Variants in RAP1GAP2 observed in about 807,000 individuals in gnomAD.
RAP1GAP2 encodes RAP1 GTPase activating protein 2, also known as rap1 GTPase-activating protein 2.
RAP1GAP2 carries 27 observed loss-of-function variants against 95.0 expected under a neutral mutation model. The ratio of observed to expected loss-of-function variants is 0.28; its 90% CI spans 0.21 to 0.39. The LOEUF (loss-of-function observed/expected upper bound fraction) is 0.39, where lower values mean the gene tolerates loss of function less well. RAP1GAP2 is among the 10% of genes least tolerant of loss of function. The probability of loss-of-function intolerance (pLI) is 1.00; values close to 1 mark genes in which losing one functional copy is unlikely to be tolerated. For synonymous variants in RAP1GAP2, 373 were observed against 380.9 expected (o/e 0.98, Z 0.24); for missense variants, 771 against 970.0 (o/e 0.79, Z 2.72).
rs1378925035 is a variant in RAP1GAP2, at chr17:2,850,572, C to A, written c.80+50022C>A. ...GACCATCCTGGCTAACACGGTGAAA[C>A]CCCGTCTCTACTAAAAATACAAAAA... On this transcript the variant is annotated intron_variant, in intron 2 of 24. Transcript: ENST00000254695. Among the ~76,000 whole-genome samples the A allele has an allele frequency of 3.3e-5, 5 of 149,524 alleles. No homozygotes were observed. The South Asian group carries it at 6.4e-4, about 19-fold the overall frequency.
intron 3 of RAP1GAP2, among the ~76,000 whole-genome samples, chr17:2,925,405 T>A (rs1036912): frequency 0.61 from 92,623 of 151,996 alleles, 28,399 homozygotes; most frequent in African/African-American, 0.61. Flanking sequence ...AGGAGAAGCA[T>A]GTGCCTTCTT....
intron 2 of RAP1GAP2, among the ~76,000 whole-genome samples, chr17:2,842,562 T>A (rs906118972): frequency 1.2e-4 from 1 of 8,210 alleles, no homozygotes; most frequent in African/African-American, 4.2e-3. Flanking sequence ...ATACCACTTT[T>A]ACTACCCTCT....
At position 2,959,557 on chromosome 17, in the gene RAP1GAP2, C is replaced by G. The variant is rs75749549; in HGVS notation, c.201+1763C>G. ...CCCGCGTGGGCCTTGAGCCTGGGCT[C>G]CATCTCTCTTCATCTTGCACGTGTG... On this transcript the variant is annotated intron_variant, in intron 4 of 24. Coordinates refer to ENST00000254695, the MANE Select transcript of RAP1GAP2 (RefSeq NM_015085.5). Among the ~76,000 whole-genome samples the G allele has an allele frequency of 1.5e-3, 228 of 152,314 alleles. 2 individuals carry two copies. In the East Asian group the frequency reaches 0.019, roughly 12 times the overall value.
At chr17:2,966,493 T>C (rs2044604272) in intron 8 of RAP1GAP2, among the ~76,000 whole-genome samples, 1 of 152,222 alleles carries the variant, frequency 6.6e-6, no homozygotes, top group African/African-American at 2.4e-5. Context: ...TAAAGGTATT[T>C]GGAAAAGAGC....
intron 1 of RAP1GAP2, among the ~76,000 whole-genome samples, chr17:2,769,783 C>G (rs908019042): frequency 5.3e-5 from 8 of 151,596 alleles, no homozygotes; most frequent in Non-Finnish European, 7.4e-5. Context: ...GAAAGCTTTT[C>G]CATCTACTGC....
Position 2,800,218 on chromosome 17 carries a change from G to A in RAP1GAP2, c.45-297G>A, listed in dbSNP as rs549005848. Reference sequence around the variant, plus strand: ...AGTGCTTACGATCCCTGGACCTGACGTGAGATACCTGAATTCAGACTGGGC... The same window carrying A: ...AGTGCTTACGATCCCTGGACCTGACATGAGATACCTGAATTCAGACTGGGC... On this transcript the variant is annotated intron_variant, in intron 1 of 24. Transcript: ENST00000254695. 1.6e-3 allele frequency: 1,622 copies of A among 985,376 alleles called. 1 individual carries two copies. Among genetic ancestry groups the A allele is most frequent in the Admixed American group, 3.7e-3 (61 of 16,272 alleles). The allele number at this position is 985,376 out of a possible 1,614,324, so 61.0% of individuals were successfully genotyped here.
At chr17:2,831,730 T>C (rs1449231786) in intron 2 of RAP1GAP2, among the ~76,000 whole-genome samples, 1 of 151,750 alleles carries the variant, frequency 6.6e-6, no homozygotes, top group African/African-American at 2.4e-5. Context: ...AAACCTCATC[T>C]CTACTAAAAA....
chr17:2,786,426 C>T (rs1027533848), intron 1 of RAP1GAP2, among the ~76,000 whole-genome samples: 8 of 152,222 alleles, frequency 5.3e-5, no homozygotes, highest in African/African-American at 1.9e-4. Context: ...CGCTCCCTTT[C>T]CTCCTCGCAC....
chr17:2,871,405 G>C lies in RAP1GAP2; in HGVS notation c.81-33879G>C, dbSNP rs1272307063. Among the ~76,000 whole-genome samples the C allele has an allele frequency of 6.6e-6, 1 of 152,172 alleles. No homozygotes were observed. Among genetic ancestry groups the C allele is most frequent in the African/African-American group, 2.4e-5 (1 of 41,430 alleles). ...TCCCTATGTGCAGGGGTGGGAGCGG[G>C]GAGCCATGATTGGCCCAGGGAGAGT... On this transcript the variant is annotated intron_variant, in intron 2 of 24. Coordinates refer to ENST00000254695, the MANE Select transcript of RAP1GAP2 (RefSeq NM_015085.5). This position sits in a 1 kb window ranked among gnomAD's most constrained non-coding sequence, Gnocchi z 5.0.
chr17:2,885,998 C>T (rs886124459), intron 2 of RAP1GAP2, among the ~76,000 whole-genome samples: 1 of 152,048 alleles, frequency 6.6e-6, no homozygotes, highest in African/African-American at 2.4e-5. Context: ...GGGTTTGCCC[C>T]CTGGGGCCTC....
chr17:2,920,706 G>A (rs989262289), intron 3 of RAP1GAP2, among the ~76,000 whole-genome samples: 1 of 152,180 alleles, frequency 6.6e-6, no homozygotes, highest in Non-Finnish European at 1.5e-5. Flanking sequence ...GTCGAATATC[G>A]GCACATAATG....
chr17:2,946,889 G>T (rs967677594), intron 3 of RAP1GAP2, among the ~76,000 whole-genome samples: 12 of 152,160 alleles, frequency 7.9e-5, no homozygotes, highest in Admixed American at 7.9e-4. Context: ...CAAGTAGCTG[G>T]GATTATAGGC....
At chr17:2,890,146 A>G (rs1432936204) in intron 2 of RAP1GAP2, among the ~76,000 whole-genome samples, 1 of 151,392 alleles carries the variant, frequency 6.6e-6, no homozygotes, top group Non-Finnish European at 1.5e-5. Context: ...TGTTCTGGAC[A>G]CTCGTCTTCC....
chr17:2,924,867 A>G (rs2042901578), intron 3 of RAP1GAP2, among the ~76,000 whole-genome samples: 1 of 152,124 alleles, frequency 6.6e-6, no homozygotes, highest in South Asian at 2.1e-4. Context: ...GGCTCTTTCT[A>G]GAGCTCTTTC....
At position 2,902,960 on chromosome 17, in the gene RAP1GAP2, G is replaced by A. The variant is rs1017430785; in HGVS notation, c.81-2324G>A. ...GGAAAAATAGACAGCATGACTGTGT[G>A]TATGAGCGTCCAGTGACCGGTGATG... is the stretch of plus-strand genomic sequence containing the variant. On this transcript the variant is annotated intron_variant, in intron 2 of 24. Transcript: ENST00000254695. This position sits in a 1 kb window ranked among gnomAD's most constrained non-coding sequence, Gnocchi z 4.1. Among the ~76,000 whole-genome samples, 3 of 152,194 alleles carry A rather than the reference G, an allele frequency of 2.0e-5. No individual in the cohort carries two copies. The East Asian group carries it at 5.8e-4, about 29-fold the overall frequency.
intron 2 of RAP1GAP2, among the ~76,000 whole-genome samples, chr17:2,901,473 G>A (rs2042024249): frequency 6.6e-6 from 1 of 152,124 alleles, no homozygotes; most frequent in Non-Finnish European, 1.5e-5. Flanking sequence ...CGTCGTTAGA[G>A]TTGCATGCGA....
chr17:2,777,944 A>AGGAGGCTGGGAGGCTG (rs1296195306), intron 1 of RAP1GAP2, among the ~76,000 whole-genome samples: 3 of 115,702 alleles, frequency 2.6e-5, no homozygotes, highest in Admixed American at 9.2e-5. Context: ...CACAGCTGCC[A>AGGAGGCTGGGAGGCTG]GGAGGCTGGG....
intron 1 of RAP1GAP2, among the ~76,000 whole-genome samples, chr17:2,784,274 A>G (rs1301409164): frequency 7.6e-6 from 1 of 131,572 alleles, no homozygotes; most frequent in Non-Finnish European, 1.6e-5. Flanking sequence ...CGCCTGGCCT[A>G]TTTTTATTTA....
intron 2 of RAP1GAP2, among the ~76,000 whole-genome samples, chr17:2,826,879 G>A (rs1365420596): frequency 1.3e-5 from 2 of 152,140 alleles, no homozygotes; most frequent in African/African-American, 4.8e-5. Flanking sequence ...GGTGGCGTAC[G>A]CCTGTAGTCC....
Sources: gnomAD v4.1 joint callset for allele counts (sites outside exome capture counted in the v4.1 genomes callset) on GRCh38, gnomAD v4.1.1 for gene constraint, Gnocchi (gnomAD v3.1) non-coding constraint, MANE v1.5 for transcripts, NCBI Gene and HGNC (gene_info 2026-07-23, HGNC 2026-07-21) for gene names.